TXLNG: variants seen among roughly 807,000 people sequenced by gnomAD.
TXLNG encodes the protein taxilin gamma, also known as gamma-taxilin.
Under a neutral mutation model 38.8 loss-of-function variants are expected in TXLNG, and 5 were observed. That is an observed-to-expected ratio of 0.13 (90% CI 0.07 to 0.27). The LOEUF is 0.27. TXLNG is among the 10% of genes least tolerant of loss of function. TXLNG has a pLI of 1.00. For missense variants in TXLNG, 393 were observed against 398.2 expected, an observed-to-expected ratio of 0.99 and a Z score of 0.11; for synonymous variants, 182 against 158.2, an observed-to-expected ratio of 1.15 and a Z score of -1.13.
At chrX:16,794,882 C>G (rs961834748) in intron 1 of TXLNG, among the ~76,000 whole-genome samples, 2 of 112,016 alleles carry the variant, frequency 1.8e-5, no homozygotes, top group African/African-American at 6.5e-5. Context: ...GGTACTTACA[C>G]TAATACAAGT....
chrX:16,824,497 A>G (rs1422817572), intron 3 of TXLNG, among the ~76,000 whole-genome samples: 2 of 112,107 alleles, frequency 1.8e-5, no homozygotes, highest in Admixed American at 9.5e-5. Context: ...CAATAGATAA[A>G]TATTTTTCAA....
rs1929460304 is a variant in TXLNG, at chrX:16,832,752, A to G, written c.984+10A>G. The G allele has an allele frequency of 1.7e-6, 2 of 1,176,775 alleles. No homozygotes were observed. The highest frequency in any genetic ancestry group is 2.3e-6 in the Non-Finnish European group (2 of 882,088). ...GAGAGAGAGAGAGTTTGTAAGTTCT[A>G]CTTCTTAAAAACAAAGACATTATTG... On this transcript the variant is annotated intron_variant, in intron 6 of 9. Coordinates refer to ENST00000380122, the MANE Select transcript of TXLNG (RefSeq NM_018360.3).
intron 3 of TXLNG, among the ~76,000 whole-genome samples, chrX:16,826,639 A>G (rs1361410446): frequency 9.0e-6 from 1 of 111,701 alleles, no homozygotes; most frequent in Non-Finnish European, 1.9e-5. Context: ...ATCATTTAAA[A>G]AAACAAAAAC....
chrX:16,786,466 G>C lies in TXLNG; in HGVS notation c.-22G>C. ...TTCTGTGCCCCTTGTCGGGCCGCTTGTTTGGCTGCTGCCGTCACCTCATGG... is the reference window on the plus strand; with the variant it reads ...TTCTGTGCCCCTTGTCGGGCCGCTTCTTTGGCTGCTGCCGTCACCTCATGG... On this transcript the variant is annotated 5_prime_UTR_variant, in exon 1 of 10. Coordinates refer to ENST00000380122, the MANE Select transcript of TXLNG (RefSeq NM_018360.3). 2 of 1,106,991 alleles carry C rather than the reference G, an allele frequency of 1.8e-6. No homozygotes were observed. The highest frequency in any genetic ancestry group is 2.4e-6 in the Non-Finnish European group (2 of 844,853). The allele number at this position is 1,106,991 out of a possible 1,213,427, so 91.2% of individuals were successfully genotyped here.
At chrX:16,839,720 G>A in intron 8 of TXLNG, 101 bp from the exon 9 acceptor site, 2 of 531,661 alleles carry the variant, frequency 3.8e-6, no homozygotes, top group Admixed American at 3.4e-5. Context: ...GAGGTGCAGG[G>A]ATGGGGGAGG....
chrX:16,816,597 T>TA (rs1169119545), intron 1 of TXLNG, among the ~76,000 whole-genome samples: 1 of 112,634 alleles, frequency 8.9e-6, no homozygotes, highest in Non-Finnish European at 1.9e-5. Context: ...TCAGTATTTG[T>TA]AAGTTTTTTC....
At chrX:16,834,512 G>A (rs973831055) in intron 7 of TXLNG, among the ~76,000 whole-genome samples, 155 bp downstream of exon 7, 2 of 111,337 alleles carry the variant, frequency 1.8e-5, no homozygotes, top group Non-Finnish European at 3.8e-5. Context: ...GGCCCTCTTG[G>A]TATTTTCCAC....
chrX:16,819,526 G>A (rs373553297), intron 2 of TXLNG, among the ~76,000 whole-genome samples: 3 of 110,822 alleles, frequency 2.7e-5, no homozygotes, highest in South Asian at 3.8e-4. Flanking sequence ...CCCTTACTTC[G>A]AAATGCCATT....
At chrX:16,798,212 G>C (rs939189891) in intron 1 of TXLNG, among the ~76,000 whole-genome samples, 1 of 112,351 alleles carries the variant, frequency 8.9e-6, no homozygotes, top group African/African-American at 3.2e-5. Flanking sequence ...ACGTTGGTAC[G>C]TTTTGGTATA....
intron 7 of TXLNG, 116 bp from the exon 8 acceptor site, chrX:16,837,477 C>G (rs1358836077): frequency 2.1e-6 from 1 of 469,329 alleles, no homozygotes; most frequent in African/African-American, 2.5e-5. Flanking sequence ...ATTGGATGTG[C>G]ATTTGTTCGT....
intron 1 of TXLNG, among the ~76,000 whole-genome samples, chrX:16,814,648 T>TA (rs1928663978): frequency 9.9e-5 from 11 of 111,106 alleles, no homozygotes; most frequent in Admixed American, 8.7e-4. Flanking sequence ...AAAGGCCACA[T>TA]ATTGTATAGC....
At chrX:16,818,914 T>C (rs369080823) in intron 2 of TXLNG, 37 bp downstream of exon 2, 37 of 1,143,560 alleles carry the variant, frequency 3.2e-5, no homozygotes, top group Non-Finnish European at 4.1e-5. Context: ...TTTCACATGC[T>C]AATCATTTTA....
chrX:16,831,911 C>G (rs1929426067), intron 5 of TXLNG, among the ~76,000 whole-genome samples: 1 of 112,196 alleles, frequency 8.9e-6, no homozygotes, highest in African/African-American at 3.2e-5. Context: ...TTCCGTTTCT[C>G]CAGCTGGGAA....
At chrX:16,835,984 T>C (rs995805126) in intron 7 of TXLNG, among the ~76,000 whole-genome samples, 1 of 112,771 alleles carries the variant, frequency 8.9e-6, no homozygotes, top group Non-Finnish European at 1.9e-5. Flanking sequence ...AAGTGGACTG[T>C]GCCTGCGAGG....
rs1041889075 is a variant in TXLNG, at chrX:16,841,691, G to A, written c.1512G>A (p.Glu504=). ...CCCTGGGAGCGCACCTGGAGGCTGA[G>A]CCCAAGAGTCAGAGAAGCGCTGTGC... ...KRALGAHLEA[E]PKSQRSAVQK... is the part of the protein sequence containing the mutation. Residue 504 remains glutamate (E), a synonymous_variant, in exon 10 of 10, where the codon GAG becomes GAA. Coordinates refer to ENST00000380122, the MANE Select transcript of TXLNG (RefSeq NM_018360.3). The A allele has an allele frequency of 4.1e-6, 5 of 1,210,183 alleles. No individual in the cohort carries two copies. The highest frequency in any genetic ancestry group is 4.5e-6 in the Non-Finnish European group (4 of 895,354).
rs577580015 is a variant in TXLNG, at chrX:16,811,105, A to T, written c.103-7469A>T. 3.1e-4 allele frequency among the ~76,000 whole-genome samples: 35 copies of T among 112,128 alleles called. No homozygotes were observed. The South Asian group carries it at 0.013, about 42-fold the overall frequency. ...CATTTGAGTACCATTTGTGCATAAT[A>T]AGCTATTGCTACTTAGGAGGCTGTA... On this transcript the variant is annotated intron_variant, in intron 1 of 9. Coordinates refer to ENST00000380122, the MANE Select transcript of TXLNG (RefSeq NM_018360.3).
intron 1 of TXLNG, among the ~76,000 whole-genome samples, chrX:16,809,713 C>T (rs1222693825): frequency 2.7e-5 from 3 of 111,373 alleles, no homozygotes; most frequent in Non-Finnish European, 3.8e-5. Flanking sequence ...ACAGATGGTT[C>T]CTGGCTTACT....
At chrX:16,832,822 A>T in intron 6 of TXLNG, 80 bp downstream of exon 6, 1 of 1,102,058 alleles carries the variant, frequency 9.1e-7, no homozygotes, top group African/African-American at 1.8e-5. Flanking sequence ...ATTGTAACCA[A>T]GGCCGTTTGA....
chrX:16,839,730 G>T, intron 8 of TXLNG, 91 bp from the exon 9 acceptor site: 1 of 597,115 alleles, frequency 1.7e-6, no homozygotes, highest in South Asian at 3.5e-5. Context: ...GATGGGGGAG[G>T]GGAGGGGCAC....
Sources: allele counts gnomAD v4.1 joint callset (sites outside exome capture counted in the v4.1 genomes callset), GRCh38; gene constraint gnomAD v4.1.1; transcripts MANE v1.5; gene names NCBI Gene and HGNC (gene_info 2026-07-23, HGNC 2026-07-21).